The following WDR72 variants were observed in gnomAD, a reference collection of about 807,000 sequenced individuals.
The protein encoded by WDR72 is WD repeat domain 72, also known as WD repeat-containing protein 72.
Under a neutral mutation model 124.2 loss-of-function variants are expected in WDR72, and 120 were observed. The observed-to-expected ratio is 0.97, with a 90% CI of 0.83 to 1.12. WDR72 has a LOEUF of 1.12. Among genes scored for constraint, WDR72 ranks in the 50% most tolerant of loss-of-function variants. The probability of loss-of-function intolerance (pLI) is 0.00; values close to 1 mark genes in which losing one functional copy is unlikely to be tolerated. For synonymous variants in WDR72, 452 were observed against 441.7 expected, an observed-to-expected ratio of 1.02 and a Z score of -0.29; for missense variants, 1,387 against 1,278.8, an observed-to-expected ratio of 1.08 and a Z score of -1.29.
intron 19 of WDR72, among the ~76,000 whole-genome samples, chr15:53,521,575 ATCTT>A: frequency 6.6e-6 from 1 of 152,062 alleles, no homozygotes; most frequent in Non-Finnish European, 1.5e-5. Flanking sequence ...TTTCTAATTA[ATCTT>A]TCTTTCTTGA....
At chr15:53,678,748 C>T (rs2016265654) in intron 13 of WDR72, among the ~76,000 whole-genome samples, 1 of 152,146 alleles carries the variant, frequency 6.6e-6, no homozygotes, top group Non-Finnish European at 1.5e-5. Flanking sequence ...AAGGTTCTAT[C>T]CCCCACCTCT....
intron 2 of WDR72, among the ~76,000 whole-genome samples, chr15:53,724,710 G>C (rs2017971693): frequency 6.6e-6 from 1 of 152,192 alleles, no homozygotes; most frequent in Admixed American, 6.5e-5. Context: ...CATGAGATTT[G>C]CGTGGGGACA....
intron 18 of WDR72, 147 bp downstream of exon 18, chr15:53,596,932 C>T (rs529680980): frequency 1.3e-6 from 1 of 777,806 alleles, no homozygotes; most frequent in African/African-American, 1.7e-5. Context: ...GATATAACCC[C>T]ATCATAAGTC....
Position 53,513,848 on chromosome 15 carries a change from A to C in WDR72, c.*3851T>G, listed in dbSNP as rs2141157037. On this transcript the variant is annotated 3_prime_UTR_variant, in exon 20 of 20. Coordinates refer to ENST00000360509, the MANE Select transcript of WDR72 (RefSeq NM_182758.4). ...ATGGTATCTGAGAAGGTCAAGATGA[A>C]GGTGAAAAGAGTAAAGGAGTTGTAC... The C allele has an allele frequency of 6.6e-6, 1 of 152,324 alleles. No individual in the cohort carries two copies. Among genetic ancestry groups the C allele is most frequent in the South Asian group, 2.1e-4 (1 of 4,828 alleles). 9.4% of individuals were successfully genotyped at this position (152,324 alleles called of 1,614,324 possible). A position where few individuals can be genotyped will look rare whatever the true frequency, so the allele number is the denominator to read the frequency against.
At chr15:53,699,132 C>A (rs1342634325) in intron 13 of WDR72, among the ~76,000 whole-genome samples, 5 of 152,166 alleles carry the variant, frequency 3.3e-5, no homozygotes, top group Non-Finnish European at 5.9e-5. Flanking sequence ...CAAACGAACT[C>A]CCCTGACTCA....
rs1317756832 is a variant in WDR72, at chr15:53,705,047, A to G, written c.1289T>C (p.Ile430Thr). 1 of 1,614,056 alleles carries G rather than the reference A, an allele frequency of 6.2e-7. No homozygotes were observed. Among genetic ancestry groups the G allele is most frequent in the Non-Finnish European group, 8.5e-7 (1 of 1,179,982 alleles). Reference sequence around the variant, plus strand: ...TTTGGCAGCATTCAAAGCCTGGGTAATGATAATTGTCCCATCTTCACAGCC... The same window carrying G: ...TTTGGCAGCATTCAAAGCCTGGGTAGTGATAATTGTCCCATCTTCACAGCC... The part of the protein sequence containing the change: ...ICGCEDGTII[I>T]TQALNAAKAR... The change falls in exon 11 of 20, where the codon ATT (isoleucine) becomes ACT (threonine). Residue 430 changes from isoleucine (I) to threonine (T), a missense_variant. Coordinates refer to ENST00000360509, the MANE Select transcript of WDR72 (RefSeq NM_182758.4).
intron 1 of WDR72, among the ~76,000 whole-genome samples, chr15:53,748,051 T>C (rs1000948636): frequency 9.9e-5 from 15 of 151,942 alleles, no homozygotes; most frequent in African/African-American, 2.9e-4. Context: ...CATTCTTAAG[T>C]AAATTCAACA....
Position 53,552,689 on chromosome 15 carries a change from A to G in WDR72, c.3149-29367T>C, listed in dbSNP as rs558525972. 2.6e-5 allele frequency among the ~76,000 whole-genome samples: 4 copies of G among 152,320 alleles called. 1 individual carries two copies. In the South Asian group the frequency reaches 8.3e-4, roughly 32 times the overall value. On this transcript the variant is annotated intron_variant, in intron 18 of 19. Coordinates refer to ENST00000360509, the MANE Select transcript of WDR72 (RefSeq NM_182758.4). ...AGTGGCTTAAAAAATTCTTTCTTGGATAATGAAAAACCTGTATCATATAGA... is the reference window on the plus strand; with the variant it reads ...AGTGGCTTAAAAAATTCTTTCTTGGGTAATGAAAAACCTGTATCATATAGA...
chr15:53,752,155 A>G (rs949369971), intron 1 of WDR72, among the ~76,000 whole-genome samples: 2 of 152,244 alleles, frequency 1.3e-5, no homozygotes, highest in African/African-American at 4.8e-5. Context: ...AAACTTCAAA[A>G]GTATCAAATT....
chr15:53,731,403 T>C (rs2018199461), intron 2 of WDR72, among the ~76,000 whole-genome samples: 1 of 152,052 alleles, frequency 6.6e-6, no homozygotes, highest in Non-Finnish European at 1.5e-5. Context: ...TGGATTTCTC[T>C]GTATCAGCAC....
chr15:53,621,473 C>T (rs1043587777), intron 14 of WDR72, among the ~76,000 whole-genome samples: 5 of 136,480 alleles, frequency 3.7e-5, no homozygotes, highest in Admixed American at 2.2e-4. Flanking sequence ...GAGTACTACT[C>T]AGCTGTAAAA....
chr15:53,562,567 T>C (rs1020547079), intron 18 of WDR72, among the ~76,000 whole-genome samples: 17 of 151,938 alleles, frequency 1.1e-4, no homozygotes, highest in African/African-American at 3.9e-4. Context: ...ATGGCTCTTA[T>C]GATGTTACCT....
chr15:53,656,394 T>C (rs941053814), intron 14 of WDR72, among the ~76,000 whole-genome samples: 13 of 152,236 alleles, frequency 8.5e-5, no homozygotes, highest in Non-Finnish European at 1.2e-4. Flanking sequence ...ATGCTCTTAG[T>C]TCCAATAAAT....
chr15:53,654,215 A>G (rs2015337545), intron 14 of WDR72, among the ~76,000 whole-genome samples: 1 of 152,210 alleles, frequency 6.6e-6, no homozygotes, highest in African/African-American at 2.4e-5. Context: ...GACATCAGGT[A>G]ACCACAAGAG....
chr15:53,544,316 A>G (rs200952304), intron 18 of WDR72, among the ~76,000 whole-genome samples: 32,604 of 101,924 alleles, frequency 0.32, 5,298 homozygotes, highest in Admixed American at 0.42. Context: ...ATCCACCATG[A>G]TCAAGTGGGC....
At chr15:53,720,139 T>C (rs2017834373) in intron 3 of WDR72, among the ~76,000 whole-genome samples, 2 of 152,210 alleles carry the variant, frequency 1.3e-5, no homozygotes, top group African/African-American at 4.8e-5. Flanking sequence ...TTAAACATTT[T>C]TTTAATTAAA....
chr15:53,750,752 T>C (rs72730624), intron 1 of WDR72, among the ~76,000 whole-genome samples: 21,132 of 152,124 alleles, frequency 0.14, 1,887 homozygotes, highest in Middle Eastern at 0.2. Flanking sequence ...CCAACCCTCA[T>C]AGATGACTTG....
intron 17 of WDR72, among the ~76,000 whole-genome samples, chr15:53,607,772 A>C (rs2013351157): frequency 6.6e-6 from 1 of 152,196 alleles, no homozygotes; most frequent in African/African-American, 2.4e-5. Flanking sequence ...ACAAGGGATT[A>C]ATACCCAGAG....
intron 18 of WDR72, among the ~76,000 whole-genome samples, chr15:53,589,674 C>T (rs1033687822): frequency 5.3e-5 from 8 of 151,992 alleles, no homozygotes; most frequent in Admixed American, 2.6e-4. Context: ...GGTGCCTGCA[C>T]GACTGTTACC....
Sources: allele counts gnomAD v4.1 joint callset (sites outside exome capture counted in the v4.1 genomes callset), GRCh38; gene constraint gnomAD v4.1.1; transcripts MANE v1.5; gene names NCBI Gene and HGNC (gene_info 2026-07-23, HGNC 2026-07-21).